Variants in FHIP2B observed in about 807,000 individuals in gnomAD.
FHIP2B encodes the protein FHF complex subunit HOOK-interacting protein 2B.
FHIP2B carries 72 observed loss-of-function variants against 84.0 expected under a neutral mutation model. The observed-to-expected ratio is 0.86, with a 90% CI of 0.71 to 1.04. The LOEUF (loss-of-function observed/expected upper bound fraction) is 1.04, where lower values mean the gene tolerates loss of function less well. Among genes scored for constraint, FHIP2B ranks in the 50% least tolerant of loss-of-function variants. The pLI is 0.00. For synonymous variants in FHIP2B, 497 were observed against 418.7 expected (o/e 1.19, Z -2.28); for missense variants, 972 against 968.9 (o/e 1.00, Z -0.04).
intron 10 of FHIP2B, chr8:22,100,189 C>T: frequency 2.3e-6 from 1 of 428,326 alleles, no homozygotes; most frequent in Non-Finnish European, 4.1e-6. Flanking sequence ...TCACCTCAGC[C>T]TCCTAAAGTG....
chr8:22,102,399 C>CTGGGGG, intron 15 of FHIP2B, 84 bp downstream of exon 15: 1 of 807,362 alleles, frequency 1.2e-6, no homozygotes, highest in Non-Finnish European at 2.0e-6. Context: ...TGGTTGGGGG[C>CTGGGGG]TGGAGGGGTG....
chr8:22,094,004 A>G (rs980376162), intron 1 of FHIP2B, among the ~76,000 whole-genome samples: 3 of 152,084 alleles, frequency 2.0e-5, no homozygotes, highest in African/African-American at 7.2e-5. Context: ...GGCGTGAGCC[A>G]CTGCACCTGA....
rs1444258396 is a variant in FHIP2B at position 22,090,156 on chromosome 8, G to GGGA, written c.45+860_45+861insAGG. 1.5e-4 allele frequency among the ~76,000 whole-genome samples: 20 copies of GGGA among 136,748 alleles called. 2 individuals are homozygous for GGGA. The highest frequency in any genetic ancestry group is 4.5e-4 in the African/African-American group (17 of 38,016). The allele number at this position is 136,748 out of a possible 152,430, so 89.7% of individuals were successfully genotyped here. A position where few individuals can be genotyped will look rare whatever the true frequency, so the allele number is the denominator to read the frequency against. ...GGTGGGGGTATTCCCGGTAGGGTGG[G>GGGA]GGGGGTGCCCGCTGTTGAAAGTAAC... On this transcript the variant is annotated intron_variant, in intron 1 of 16. Coordinates refer to ENST00000289921, the MANE Select transcript of FHIP2B (RefSeq NM_022749.7).
At position 22,097,767 on chromosome 8, in the gene FHIP2B, G is replaced by A; in HGVS notation, c.453G>A (p.Glu151=). 1 of 1,613,526 alleles carries A rather than the reference G, an allele frequency of 6.2e-7. No homozygotes were observed. The highest frequency in any genetic ancestry group is 8.5e-7 in the Non-Finnish European group (1 of 1,179,826). Residue 151 remains glutamate (E), a synonymous_variant, in exon 5 of 17, where the codon GAG becomes GAA. Coordinates refer to ENST00000289921, the MANE Select transcript of FHIP2B (RefSeq NM_022749.7). Reference sequence around the variant, plus strand: ...CTTCCGGATCCGTTACAGAAAAGGAGGAGGTGCAGTTCACCACCGTCCTCT... The same window carrying A: ...CTTCCGGATCCGTTACAGAAAAGGAAGAGGTGCAGTTCACCACCGTCCTCT... The part of the protein sequence containing the change: ...GTASGSVTEK[E]EVQFTTVLCS...
chr8:22,095,474 A>AAAAGCGCACCCCTGG (rs1825713787), intron 2 of FHIP2B: 1 of 132,956 alleles, frequency 7.5e-6, no homozygotes, highest in South Asian at 2.7e-4. Flanking sequence ...CCTGGGGGGG[A>AAAAGCGCACCCCTGG]AAAGCGCACC....
intron 7 of FHIP2B, 76 bp from the exon 8 acceptor site, chr8:22,098,872 C>T (rs1027429295): frequency 3.1e-6 from 4 of 1,275,336 alleles, no homozygotes; most frequent in African/African-American, 3.0e-5. Flanking sequence ...GGGAAGGGCC[C>T]AGTTTCAGGA....
At position 22,096,323 on chromosome 8, in the gene FHIP2B, C is replaced by T. The variant is rs940318205; in HGVS notation, c.125-14C>T. On this transcript the variant is annotated splice_polypyrimidine_tract_variant and intron_variant, in intron 2 of 16. Transcript: ENST00000289921. ...TCTTTACCCTACTCACCCTTGTTTC[C>T]CAAACATCATTAGATGAAAGCACCC... is the stretch of plus-strand genomic sequence containing the variant. The T allele has an allele frequency of 4.7e-5, 72 of 1,538,352 alleles. No homozygotes were observed. The highest frequency in any genetic ancestry group is 6.1e-5 in the Non-Finnish European group (70 of 1,138,994).
At chr8:22,100,510 T>C (rs1194106623) in intron 10 of FHIP2B, 84 bp from the exon 11 acceptor site, 3 of 1,400,954 alleles carry the variant, frequency 2.1e-6, no homozygotes, top group Non-Finnish European at 2.8e-6. Flanking sequence ...CAGAGGTCTT[T>C]TCTTATCTGG....
At chr8:22,091,672 G>T (rs958529690) in intron 1 of FHIP2B, among the ~76,000 whole-genome samples, 5 of 152,188 alleles carry the variant, frequency 3.3e-5, no homozygotes, top group Non-Finnish European at 1.5e-5. Flanking sequence ...GCCTGTGCTG[G>T]TTAACCTGCC....
At position 22,100,671 on chromosome 8, in the gene FHIP2B, G is replaced by A. The variant is rs967841762; in HGVS notation, c.1419G>A (p.Leu473=). The change falls in exon 11 of 17, where the codon CTG becomes CTA. Residue 473 remains leucine, a synonymous_variant. Transcript: ENST00000289921. ...AGGGGATCATCCACAGCCTGGTCCT[G>A]CGCAACCTTGAGGGCCGCCCTTACG... ...PHEGIIHSLV[L]RNLEGRPYVA... is the part of the protein sequence containing the mutation. 6 of 1,607,384 alleles carry A rather than the reference G, an allele frequency of 3.7e-6. No homozygotes were observed. The highest frequency in any genetic ancestry group is 3.4e-5 in the Admixed American group (2 of 59,276).
At chr8:22,100,082 A>G (rs1826021812) in intron 10 of FHIP2B, 189 bp downstream of exon 10, 2 of 479,704 alleles carry the variant, frequency 4.2e-6, no homozygotes, top group South Asian at 3.0e-5. Flanking sequence ...TTTTTTTTTT[A>G]AAGAGACAGG....
At chr8:22,092,505 C>T (rs917174438) in intron 1 of FHIP2B, among the ~76,000 whole-genome samples, 4 of 147,984 alleles carry the variant, frequency 2.7e-5, no homozygotes, top group Non-Finnish European at 5.9e-5. Context: ...ACCCAGGAAG[C>T]GGAGGTTACA....
intron 1 of FHIP2B, among the ~76,000 whole-genome samples, chr8:22,092,576 TTTTTGAGA>T (rs1825549202): frequency 6.6e-6 from 1 of 150,630 alleles, no homozygotes; most frequent in Non-Finnish European, 1.5e-5. Context: ...TTTTTTTTTT[TTTTTGAGA>T]CTCTGTCTCA....
intron 1 of FHIP2B, chr8:22,089,717 G>A (rs937893208): frequency 4.1e-6 from 5 of 1,218,718 alleles, no homozygotes; most frequent in Non-Finnish European, 5.4e-6. Flanking sequence ...CCTCGCCTGG[G>A]CTTGAAAAAA....
At position 22,099,064 on chromosome 8, in the gene FHIP2B, G is replaced by A; in HGVS notation, c.1074+8G>A. The A allele has an allele frequency of 6.3e-7, 1 of 1,583,778 alleles. No individual in the cohort carries two copies. The highest frequency in any genetic ancestry group is 1.8e-5 in the Admixed American group (1 of 56,154). ...ATCACAGAGGCACACACGGTGAGCA[G>A]GGGCGGGCGGAGGCCGGGCTCTCAT... On this transcript the variant is annotated splice_region_variant and intron_variant, in intron 8 of 16. Coordinates refer to ENST00000289921, the MANE Select transcript of FHIP2B (RefSeq NM_022749.7).
intron 3 of FHIP2B, 137 bp downstream of exon 3, chr8:22,096,646 G>T: frequency 7.8e-7 from 1 of 1,278,698 alleles, no homozygotes; most frequent in South Asian, 1.8e-5. Context: ...AGGCTGAGGT[G>T]GGCGGTGGGC....
chr8:22,101,962 T>C (rs2131726296), intron 14 of FHIP2B, 111 bp downstream of exon 14: 2 of 1,508,694 alleles, frequency 1.3e-6, no homozygotes, highest in Non-Finnish European at 1.8e-6. Flanking sequence ...GTGCCACCCC[T>C]GTCCTTTCCC....
rs559600436 is a variant in FHIP2B at position 22,102,008 on chromosome 8, G to A, written c.1851+157G>A. 24 of 1,510,240 alleles carry A rather than the reference G, an allele frequency of 1.6e-5. No homozygotes were observed. The South Asian group carries it at 2.3e-4, about 15-fold the overall frequency. The allele number at this position is 1,510,240 out of a possible 1,614,324, so 93.6% of individuals were successfully genotyped here. ...GCCCCGTCTCACCCCTGCTCCACAC[G>A]TCCTAACACGTTCTGGCCCTCAGCC... On this transcript the variant is annotated intron_variant, in intron 14 of 16. Coordinates refer to ENST00000289921, the MANE Select transcript of FHIP2B (RefSeq NM_022749.7).
intron 1 of FHIP2B, 144 bp from the exon 2 acceptor site, chr8:22,094,296 C>T: frequency 1.5e-6 from 1 of 672,356 alleles, no homozygotes; most frequent in Non-Finnish European, 2.4e-6. Context: ...ATGTGTTATT[C>T]CTCCCTTTGA....
Sources: allele counts gnomAD v4.1 joint callset (sites outside exome capture counted in the v4.1 genomes callset), GRCh38; gene constraint gnomAD v4.1.1; transcripts MANE v1.5; gene names NCBI Gene and HGNC (gene_info 2026-07-23, HGNC 2026-07-21).